Variants in KCMF1 observed in about 807,000 individuals in gnomAD.
KCMF1 encodes E3 ubiquitin-protein ligase KCMF1.
Under a neutral mutation model 41.1 loss-of-function variants are expected in KCMF1, and 3 were observed. That is an observed-to-expected ratio of 0.07 (90% CI 0.03 to 0.19). The LOEUF (loss-of-function observed/expected upper bound fraction) is 0.19. Ranked by LOEUF, KCMF1 falls within the 10% of genes least tolerant of loss-of-function variation. KCMF1 has a pLI of 1.00. For missense variants in KCMF1, 286 were observed against 488.9 expected (o/e 0.58, Z 3.91); for synonymous variants, 142 against 164.5 (o/e 0.86, Z 1.04).
chr2:85,055,086 AC>A lies in KCMF1; in HGVS notation c.*1679del, dbSNP rs2104075138. Reference sequence around the variant, plus strand: ...GATAATGTTTAAAGGAAAACTTTACACCAGGCTTCTGGTTACACTAGAAGTC... The same window carrying A: ...GATAATGTTTAAAGGAAAACTTTACACAGGCTTCTGGTTACACTAGAAGTC... On this transcript the variant is annotated 3_prime_UTR_variant, in exon 7 of 7. Coordinates refer to ENST00000409785, the MANE Select transcript of KCMF1 (RefSeq NM_020122.5). 1 of 152,350 alleles carries A rather than the reference AC, an allele frequency of 6.6e-6. No homozygotes were observed. Among genetic ancestry groups the A allele is most frequent in the African/African-American group, 2.4e-5 (1 of 41,590 alleles). 9.4% of individuals were successfully genotyped at this position (152,350 alleles called of 1,614,324 possible).
At chr2:85,016,519 T>C (rs1284577968) in intron 1 of KCMF1, among the ~76,000 whole-genome samples, 1 of 152,084 alleles carries the variant, frequency 6.6e-6, no homozygotes, top group Non-Finnish European at 1.5e-5. Flanking sequence ...AAGTAGAAGA[T>C]GAAACAGCTC....
At chr2:84,998,843 C>G (rs1574014777) in intron 1 of KCMF1, among the ~76,000 whole-genome samples, 1 of 151,206 alleles carries the variant, frequency 6.6e-6, no homozygotes, top group East Asian at 2.0e-4. Flanking sequence ...AACTCCTGAC[C>G]TCAAGTGATC....
intron 1 of KCMF1, among the ~76,000 whole-genome samples, chr2:84,998,817 G>C (rs1007839168): frequency 6.9e-5 from 10 of 144,210 alleles, no homozygotes; most frequent in African/African-American, 2.6e-4. Context: ...TCACCATGTT[G>C]GTCAGGCTGG....
At chr2:85,028,404 C>T (rs1017124196) in intron 2 of KCMF1, among the ~76,000 whole-genome samples, 19 of 150,004 alleles carry the variant, frequency 1.3e-4, no homozygotes, top group African/African-American at 3.7e-4. Context: ...AGACTGGTCT[C>T]GAACTCCTGA....
chr2:85,008,629 A>G (rs530353448), intron 1 of KCMF1, among the ~76,000 whole-genome samples: 92 of 151,860 alleles, frequency 6.1e-4, no homozygotes, highest in African/African-American at 2.1e-3. Context: ...GAGCTGAAAG[A>G]AGGAGGCAGA....
intron 1 of KCMF1, among the ~76,000 whole-genome samples, chr2:85,023,454 G>C (rs1194282525): frequency 1.3e-5 from 2 of 150,456 alleles, no homozygotes; most frequent in Non-Finnish European, 3.0e-5. Flanking sequence ...GAGTAGCTGG[G>C]ACTACAGGCG....
At chr2:84,983,785 A>G (rs745607712) in intron 1 of KCMF1, among the ~76,000 whole-genome samples, 16 of 152,160 alleles carry the variant, frequency 1.1e-4, no homozygotes, top group Non-Finnish European at 2.2e-4. Context: ...TGTTGGGATT[A>G]CAGGCGTGAG....
intron 3 of KCMF1, among the ~76,000 whole-genome samples, chr2:85,041,540 A>C (rs1675535796): frequency 6.6e-6 from 1 of 152,132 alleles, no homozygotes. Context: ...TATAGATTTT[A>C]CCCGAAGGCC....
intron 1 of KCMF1, among the ~76,000 whole-genome samples, chr2:85,021,633 C>T (rs1402243643): frequency 2.0e-5 from 3 of 151,444 alleles, no homozygotes; most frequent in Non-Finnish European, 2.9e-5. Flanking sequence ...AAAAAAAAAT[C>T]TTACTGCATC....
At chr2:84,988,881 T>TA (rs1240642398) in intron 1 of KCMF1, among the ~76,000 whole-genome samples, 1 of 152,220 alleles carries the variant, frequency 6.6e-6, no homozygotes, top group Non-Finnish European at 1.5e-5. Flanking sequence ...TCTGCTGTTG[T>TA]AGTATGAAAG....
At chr2:85,012,261 T>G (rs184702104) in intron 1 of KCMF1, among the ~76,000 whole-genome samples, 5 of 152,346 alleles carry the variant, frequency 3.3e-5, no homozygotes, top group Admixed American at 2.6e-4. Context: ...TAAAGTGTGT[T>G]GTTGAATTTT....
intron 1 of KCMF1, among the ~76,000 whole-genome samples, chr2:85,001,018 G>A (rs1674313816): frequency 6.7e-6 from 1 of 150,142 alleles, no homozygotes; most frequent in Admixed American, 6.6e-5. Flanking sequence ...TTGTAGGGAT[G>A]GGGTCTCACT....
intron 1 of KCMF1, among the ~76,000 whole-genome samples, chr2:85,026,866 A>G (rs1393553062): frequency 6.6e-6 from 1 of 152,180 alleles, no homozygotes; most frequent in East Asian, 1.9e-4. Context: ...TGCTCCTGCT[A>G]GTTCTTTCTG....
At chr2:85,008,242 T>TATATTATATATCATATATA (rs1558573206) in intron 1 of KCMF1, among the ~76,000 whole-genome samples, 1 of 103,278 alleles carries the variant, frequency 9.7e-6, no homozygotes, top group African/African-American at 3.7e-5. Flanking sequence ...TATTATATTA[T>TATATTATATATCATATATA]ATATGATATA....
intron 1 of KCMF1, among the ~76,000 whole-genome samples, chr2:84,982,835 G>A (rs980069946): frequency 2.6e-5 from 4 of 152,082 alleles, no homozygotes; most frequent in African/African-American, 4.8e-5. Flanking sequence ...AGTTAATTGC[G>A]GTTCTAAGTC....
intron 1 of KCMF1, among the ~76,000 whole-genome samples, chr2:85,012,219 C>A (rs181730862): frequency 8.5e-4 from 130 of 152,186 alleles, no homozygotes; most frequent in African/African-American, 2.9e-3. Context: ...AGAGTCAACT[C>A]CTGATAAAGT....
chr2:85,014,705 G>A (rs542871664), intron 1 of KCMF1, among the ~76,000 whole-genome samples: 7 of 143,734 alleles, frequency 4.9e-5, no homozygotes, highest in East Asian at 3.9e-4. Flanking sequence ...ATACTGGCGC[G>A]CGCGTGCGTG....
intron 1 of KCMF1, among the ~76,000 whole-genome samples, chr2:84,979,804 C>G (rs1046641152): frequency 6.6e-6 from 1 of 151,778 alleles, no homozygotes; most frequent in Non-Finnish European, 1.5e-5. Flanking sequence ...GTATACAGAT[C>G]AGAGCATCTT....
intron 1 of KCMF1, among the ~76,000 whole-genome samples, chr2:85,011,927 G>C (rs1674662571): frequency 1.3e-5 from 2 of 152,180 alleles, no homozygotes; most frequent in Non-Finnish European, 2.9e-5. Context: ...AGAACTGAGA[G>C]TGTCTCCATA....
Sources: allele counts gnomAD v4.1 joint callset (sites outside exome capture counted in the v4.1 genomes callset), GRCh38; gene constraint gnomAD v4.1.1; transcripts MANE v1.5; gene names NCBI Gene and HGNC (gene_info 2026-07-23, HGNC 2026-07-21).